TJAP1: variants seen among roughly 807,000 people sequenced by gnomAD.
TJAP1 encodes the protein tight junction-associated protein 1.
A neutral mutation model predicts 42.0 loss-of-function variants in TJAP1; 27 were observed. The observed-to-expected ratio is 0.64, with a 90% CI of 0.47 to 0.89. The LOEUF (loss-of-function observed/expected upper bound fraction) is 0.89, where lower values mean the gene tolerates loss of function less well. Among genes scored for constraint, TJAP1 ranks in the 40% least tolerant of loss-of-function variants. The pLI, the probability that TJAP1 is intolerant of heterozygous loss-of-function variation, is 0.00. For synonymous variants in TJAP1, 257 were observed against 288.4 expected, an observed-to-expected ratio of 0.89 and a Z score of 1.10; for missense variants, 712 against 726.9, an observed-to-expected ratio of 0.98 and a Z score of 0.24.
intron 10 of TJAP1, chr6:43,504,115 C>CTTTT (rs869310556): frequency 5.0e-5 from 13 of 258,134 alleles, no homozygotes; most frequent in South Asian, 1.6e-4. Context: ...AGAGGTATTT[C>CTTTT]TTTTTTTTTT....
At chr6:43,502,517 C>A in intron 7 of TJAP1, 71 bp from the exon 8 acceptor site, 1 of 1,534,974 alleles carries the variant, frequency 6.5e-7, no homozygotes, top group Non-Finnish European at 8.8e-7. Flanking sequence ...TGTCTTAATG[C>A]TCACACTGTT....
chr6:43,489,488 C>T (rs1787321590), intron 2 of TJAP1: 1 of 152,552 alleles, frequency 6.6e-6, no homozygotes, highest in Non-Finnish European at 1.5e-5. Context: ...TCTCCCAGCC[C>T]CTCAGAGCCT....
At chr6:43,483,290 C>T (rs896113900) in intron 2 of TJAP1, among the ~76,000 whole-genome samples, 1 of 152,220 alleles carries the variant, frequency 6.6e-6, no homozygotes, top group African/African-American at 2.4e-5. Context: ...TCCTGTGCTT[C>T]ATTGCTCCCA....
At chr6:43,503,970 G>C in intron 10 of TJAP1, 1 of 675,126 alleles carries the variant, frequency 1.5e-6, no homozygotes, top group Non-Finnish European at 2.8e-6. Flanking sequence ...AGGAAGGAGA[G>C]GGTAGTCAGA....
intron 10 of TJAP1, 199 bp from the exon 11 acceptor site, chr6:43,504,562 G>A (rs1791804634): frequency 7.1e-6 from 5 of 705,076 alleles, no homozygotes; most frequent in South Asian, 1.9e-5. Context: ...GTTAACCAAA[G>A]CTTTGAGTTG....
chr6:43,484,647 G>A (rs1473878051), intron 2 of TJAP1, among the ~76,000 whole-genome samples: 1 of 152,218 alleles, frequency 6.6e-6, no homozygotes, highest in Non-Finnish European at 1.5e-5. Context: ...TTCTTGTGAG[G>A]AAGCAGTAAA....
chr6:43,501,917 ACACACACACACT>A lies in TJAP1; in HGVS notation c.290+232_290+243del, dbSNP rs1284950616. ...CACACACACACACACACACACACAC[ACACACACACACT>A]CTCTCTCTCTCTCTCTCTCTCTCTC... On this transcript the variant is annotated intron_variant, in intron 6 of 10. Coordinates refer to ENST00000372449, the Ensembl canonical transcript of TJAP1. Among the ~76,000 whole-genome samples the A allele has an allele frequency of 6.1e-4, 78 of 128,158 alleles. 2 individuals carry two copies. The highest frequency in any genetic ancestry group is 2.0e-3 in the Admixed American group (25 of 12,686). The allele number at this position is 128,158 out of a possible 152,430, so 84.1% of individuals were successfully genotyped here.
rs993212352 is a variant in TJAP1, at chr6:43,501,223, C to T, written c.129-303C>T. The T allele has an allele frequency of 6.5e-5, 26 of 402,936 alleles. No homozygotes were observed. The South Asian group carries it at 7.3e-4, about 11-fold the overall frequency. 25.0% of individuals were successfully genotyped at this position (402,936 alleles called of 1,614,324 possible). On this transcript the variant is annotated intron_variant, in intron 5 of 10. Transcript: ENST00000372449. The stretch of plus-strand genomic sequence containing the variant: ...AGCTGACATGGGCTGTAACCAGAGA[C>T]AGGCTGGGAGCCATATCCCTACCCC...
At chr6:43,488,694 T>C (rs1205030528) in intron 2 of TJAP1, among the ~76,000 whole-genome samples, 1 of 152,228 alleles carries the variant, frequency 6.6e-6, no homozygotes, top group Non-Finnish European at 1.5e-5. Context: ...TTTGTTTTCT[T>C]GTGGGTGAGG....
chr6:43,501,751 CA>C (rs1790645701), intron 6 of TJAP1, 64 bp downstream of exon 6: 1 of 683,714 alleles, frequency 1.5e-6, no homozygotes, highest in African/African-American at 2.0e-5. Flanking sequence ...CACACACACA[CA>C]CACACACTCT....
intron 2 of TJAP1, among the ~76,000 whole-genome samples, chr6:43,485,792 G>C (rs1282755306): frequency 6.6e-6 from 1 of 152,198 alleles, no homozygotes; most frequent in Non-Finnish European, 1.5e-5. Flanking sequence ...TGGGATTAAA[G>C]AAGATGGAAT....
intron 10 of TJAP1, 109 bp downstream of exon 10, chr6:43,503,815 C>A: frequency 1.1e-6 from 1 of 921,700 alleles, no homozygotes; most frequent in Non-Finnish European, 1.8e-6. Context: ...CCCACTTTGC[C>A]CTCCTCTTGC....
rs758357796 is a variant in TJAP1 at position 43,505,185 on chromosome 6, CTGAGGA to C, written c.1006_1011del (p.Glu336_Asp337del). On this transcript the variant is annotated inframe_deletion, in exon 11 of 11. Coordinates refer to ENST00000372449, the Ensembl canonical transcript of TJAP1. The surrounding 1 kb of genome is among the most constrained non-coding windows in gnomAD (Gnocchi z 5.5). The stretch of plus-strand genomic sequence containing the variant: ...CCTGGCCGCAGGGTAATAGAGTTCT[CTGAGGA>C]TAAGGTTCGGATCCCCCGCAACAGC... The C allele has an allele frequency of 1.9e-6, 3 of 1,614,134 alleles. No individual in the cohort carries two copies. The highest frequency in any genetic ancestry group is 2.5e-6 in the Non-Finnish European group (3 of 1,180,052).
chr6:43,480,524 CT>C (rs924607917), intron 2 of TJAP1, among the ~76,000 whole-genome samples: 48 of 147,796 alleles, frequency 3.2e-4, no homozygotes, highest in Non-Finnish European at 4.2e-4. Flanking sequence ...TAATTTTTGA[CT>C]TTTTTTTTTT....
intron 5 of TJAP1, chr6:43,501,157 G>T: frequency 2.7e-6 from 1 of 377,092 alleles, no homozygotes; most frequent in South Asian, 4.0e-5. Flanking sequence ...GGAGAAGCCT[G>T]ATTGTGCAGT....
At chr6:43,482,007 A>G (rs1290224184) in intron 2 of TJAP1, among the ~76,000 whole-genome samples, 2 of 152,060 alleles carry the variant, frequency 1.3e-5, no homozygotes, top group Non-Finnish European at 2.9e-5. Context: ...GACCTTTCCT[A>G]TTTGTTTGGC....
At chr6:43,496,535 G>C (rs1334168099) in intron 2 of TJAP1, among the ~76,000 whole-genome samples, 1 of 152,226 alleles carries the variant, frequency 6.6e-6, no homozygotes, top group Non-Finnish European at 1.5e-5. Context: ...GGCCGTGCCT[G>C]TGCTGCCGCA....
chr6:43,499,442 G>C (rs1461572281), intron 4 of TJAP1, among the ~76,000 whole-genome samples: 3 of 152,258 alleles, frequency 2.0e-5, no homozygotes, highest in Non-Finnish European at 4.4e-5. Flanking sequence ...TAGTGGAGTA[G>C]AGCCATTCAA....
In TJAP1 at chr6:43,491,282, T is replaced by C. The variant is rs541695157; in HGVS notation, c.-121-6599T>C. ...GGGATATCCATGTTGACCAGAAATATCTGTTTGTTTTTTTGGGTTTTTTTT... is the reference window on the plus strand; with the variant it reads ...GGGATATCCATGTTGACCAGAAATACCTGTTTGTTTTTTTGGGTTTTTTTT... On this transcript the variant is annotated intron_variant, in intron 2 of 10. Coordinates refer to ENST00000372449, the Ensembl canonical transcript of TJAP1. The surrounding 1 kb of genome is among the most constrained non-coding windows in gnomAD (Gnocchi z 4.6). 1.3e-5 allele frequency among the ~76,000 whole-genome samples: 2 copies of C among 152,086 alleles called. No individual in the cohort carries two copies. Among genetic ancestry groups the C allele is most frequent in the East Asian group, 3.9e-4 (2 of 5,180 alleles).
Sources: allele counts gnomAD v4.1 joint callset (sites outside exome capture counted in the v4.1 genomes callset), GRCh38; gene constraint gnomAD v4.1.1; non-coding constraint Gnocchi (gnomAD v3.1); transcripts MANE v1.5; gene names NCBI Gene and HGNC (gene_info 2026-07-23, HGNC 2026-07-21).